The following GRIN2C variants were observed in gnomAD, a reference collection of about 807,000 sequenced individuals.
GRIN2C encodes the protein glutamate ionotropic receptor NMDA type subunit 2C.
A neutral mutation model predicts 77.7 loss-of-function variants in GRIN2C; 64 were observed. The observed-to-expected ratio is 0.82, with a 90% CI of 0.67 to 1.01. GRIN2C has a LOEUF of 1.01. GRIN2C is among the 50% of genes least tolerant of loss of function. The pLI is 0.00. For synonymous variants in GRIN2C, 792 were observed against 643.4 expected, an observed-to-expected ratio of 1.23 and a Z score of -3.49; for missense variants, 1,549 against 1,486.0, an observed-to-expected ratio of 1.04 and a Z score of -0.70.
chr17:74,860,476 C>T (rs1239760580), upstream of GRIN2C: 3 of 456,570 alleles, frequency 6.6e-6, no homozygotes, highest in African/African-American at 4.0e-5. Context: ...GGTCGCGGGA[C>T]GCACCTGGGG....
chr17:74,852,003 A>G lies in GRIN2C; in HGVS notation c.998+10T>C. The G allele has an allele frequency of 6.8e-7, 1 of 1,468,260 alleles. No individual in the cohort carries two copies. Among genetic ancestry groups the G allele is most frequent in the Non-Finnish European group, 9.0e-7 (1 of 1,107,980 alleles). 91.0% of individuals were successfully genotyped at this position (1,468,260 alleles called of 1,614,324 possible). ...ACCTCCCTACCCCTATGCCCCGGGC[A>G]GGTGCCCACCTGTAGAAGGCCTCCC... On this transcript the variant is annotated intron_variant, in intron 3 of 12. Coordinates refer to ENST00000293190, the MANE Select transcript of GRIN2C (RefSeq NM_000835.6).
chr17:74,856,651 T>G (rs2037828611), intron 1 of GRIN2C, among the ~76,000 whole-genome samples: 1 of 152,102 alleles, frequency 6.6e-6, no homozygotes, highest in Admixed American at 6.5e-5. Context: ...GCTAATTTTT[T>G]GTATTTTTTA....
intron 2 of GRIN2C, 35 bp downstream of exon 2, chr17:74,854,659 C>A: frequency 6.3e-7 from 1 of 1,579,234 alleles, no homozygotes; most frequent in South Asian, 1.1e-5. Flanking sequence ...GGTTCCAGGC[C>A]TGAGGCACGA....
upstream of GRIN2C, chr17:74,860,929 C>G (rs1007667938): frequency 1.0e-5 from 2 of 196,058 alleles, no homozygotes; most frequent in African/African-American, 2.4e-5. Context: ...GGCTGGGGAG[C>G]CGCACAGCCC....
chr17:74,850,684 G>C lies in GRIN2C; in HGVS notation c.1197C>G (p.Asp399Glu). The C allele has an allele frequency of 6.2e-7, 1 of 1,613,682 alleles. No homozygotes were observed. Among genetic ancestry groups the C allele is most frequent in the Non-Finnish European group, 8.5e-7 (1 of 1,179,996 alleles). Residue 399 changes from aspartate to glutamate, a missense_variant, in exon 5 of 13, where the codon GAC becomes GAG. Asp to Glu is a conservative substitution (Grantham distance 45, BLOSUM62 2). Around this residue, in one of 3 missense-constraint regions of GRIN2C, gnomAD observed 717 missense variants for 858.1 expected, o/e 0.84. Transcript: ENST00000293190. This position sits in a 1 kb window ranked among gnomAD's most constrained non-coding sequence, Gnocchi z 5.3. Reference protein sequence around the residue: ...RYSASLQPVVDSRHLTVATLE... With the variant: ...RYSASLQPVVESRHLTVATLE... ...GCGTGGCCACCGTCAGGTGCCGACT[G>C]TCCACCACAGGCTGCAGAGAGGCAC...
At chr17:74,845,924 G>T in intron 11 of GRIN2C, 142 bp downstream of exon 11, 1 of 744,146 alleles carries the variant, frequency 1.3e-6, no homozygotes, top group South Asian at 1.6e-5. Context: ...CCTAGTACCT[G>T]CCCACCTCAG....
At chr17:74,856,162 C>A (rs868051407) in intron 1 of GRIN2C, among the ~76,000 whole-genome samples, 1 of 152,160 alleles carries the variant, frequency 6.6e-6, no homozygotes, top group South Asian at 2.1e-4. Flanking sequence ...GTGGTGCCCA[C>A]GGATGTCACT....
rs1374409103 is a variant in GRIN2C at position 74,849,686 on chromosome 17, G to C, written c.1645+94C>G. The stretch of plus-strand genomic sequence containing the variant: ...AGGCTGCTGTGCTTGGCCTGTGAGA[G>C]CCCACCCAACTCCCCATCCCCACCC... On this transcript the variant is annotated intron_variant, in intron 7 of 12. Transcript: ENST00000293190. The surrounding 1 kb of genome is among the most constrained non-coding windows in gnomAD (Gnocchi z 4.6). 8.4e-7 allele frequency: 1 copy of C among 1,188,794 alleles called. No individual in the cohort carries two copies. Among genetic ancestry groups the C allele is most frequent in the Non-Finnish European group, 1.2e-6 (1 of 839,888 alleles). 73.6% of individuals were successfully genotyped at this position (1,188,794 alleles called of 1,614,324 possible).
chr17:74,852,372 C>CTGCG lies in GRIN2C; in HGVS notation c.635_638dup (p.Gln213HisfsTer209). On this transcript the variant is annotated frameshift_variant, in exon 3 of 13. Coordinates refer to ENST00000293190, the MANE Select transcript of GRIN2C (RefSeq NM_000835.6). LOFTEE classifies it high-confidence loss of function. ...GCGCGTCGAGCTGGCGCAGCAGGCG[C>CTGCG]TGCGTGCGCGCGCGCGGCCCTCCCG... is the stretch of plus-strand genomic sequence containing the variant. 1 of 1,445,880 alleles carries CTGCG rather than the reference C, an allele frequency of 6.9e-7. No homozygotes were observed. The highest frequency in any genetic ancestry group is 9.0e-7 in the Non-Finnish European group (1 of 1,107,648). 89.6% of individuals were successfully genotyped at this position (1,445,880 alleles called of 1,614,324 possible). A position where few individuals can be genotyped will look rare whatever the true frequency, so the allele number is the denominator to read the frequency against.
At position 74,846,042 on chromosome 17, in the gene GRIN2C, C is replaced by A. The variant is rs768626388; in HGVS notation, c.2350+24G>T. On this transcript the variant is annotated intron_variant, in intron 11 of 12. Transcript: ENST00000293190. This position sits in a 1 kb window ranked among gnomAD's most constrained non-coding sequence, Gnocchi z 4.4. ...CTTGGGCTCCACAGCCCACCCTGGG[C>A]ATCCCAGCAATGGCAGTACCCACCG... is the stretch of plus-strand genomic sequence containing the variant. 1 of 1,607,014 alleles carries A rather than the reference C, an allele frequency of 6.2e-7. No individual in the cohort carries two copies. The highest frequency in any genetic ancestry group is 8.5e-7 in the Non-Finnish European group (1 of 1,174,014).
intron 1 of GRIN2C, among the ~76,000 whole-genome samples, chr17:74,855,573 C>A (rs1250004109): frequency 6.6e-6 from 1 of 152,248 alleles, no homozygotes; most frequent in African/African-American, 2.4e-5. Flanking sequence ...CTGAAATAAT[C>A]ACAGCAGTGT....
At position 74,852,268 on chromosome 17, in the gene GRIN2C, G is replaced by C; in HGVS notation, c.743C>G (p.Pro248Arg). Residue 248 changes from proline (P) to arginine (R), a missense_variant, in exon 3 of 13, where the codon CCC (proline) becomes CGC (arginine). Coordinates refer to ENST00000293190, the MANE Select transcript of GRIN2C (RefSeq NM_000835.6). Reference sequence around the variant, plus strand: ...GTTGGGCACCAGCCACACGTGGCCGGGCCCCACCAGACCGGCCTGCGCCGC... The same window carrying C: ...GTTGGGCACCAGCCACACGTGGCCGCGCCCCACCAGACCGGCCTGCGCCGC... ...AEAAQAGLVGPGHVWLVPNLA... is the reference protein window; with the variant it reads ...AEAAQAGLVGRGHVWLVPNLA... 7.1e-7 allele frequency: 1 copy of C among 1,407,596 alleles called. No individual in the cohort carries two copies. The highest frequency in any genetic ancestry group is 9.2e-7 in the Non-Finnish European group (1 of 1,086,878). 87.2% of individuals were successfully genotyped at this position (1,407,596 alleles called of 1,614,324 possible). A position where few individuals can be genotyped will look rare whatever the true frequency, so the allele number is the denominator to read the frequency against.
At position 74,843,435 on chromosome 17, in the gene GRIN2C, C is replaced by G; in HGVS notation, c.2702G>C (p.Arg901Pro). 1 of 1,535,804 alleles carries G rather than the reference C, an allele frequency of 6.5e-7. No homozygotes were observed. Among genetic ancestry groups the G allele is most frequent in the East Asian group, 2.4e-5 (1 of 40,878 alleles). The change falls in exon 13 of 13, where the codon CGC (arginine) becomes CCC (proline). Residue 901 changes from arginine to proline, a missense_variant. This residue lies in a region of GRIN2C where 450 missense variants were observed against 267.9 expected (regional missense o/e 1.68). Coordinates refer to ENST00000293190, the MANE Select transcript of GRIN2C (RefSeq NM_000835.6). Reference sequence around the variant, plus strand: ...TACGCCCGCCGTGGTCACCATGTCGCGGGCTGCCTGCAGCATCTTGAGCAC... The same window carrying G: ...TACGCCCGCCGTGGTCACCATGTCGGGGGCTGCCTGCAGCATCTTGAGCAC... ...ASVLKMLQAA[R>P]DMVTTAGVSS...
chr17:74,860,576 G>T (rs1229219406), upstream of GRIN2C: 3 of 445,398 alleles, frequency 6.7e-6, no homozygotes, highest in East Asian at 2.1e-4. Context: ...CCTCCCCGCC[G>T]TCGGGGATCC....
chr17:74,849,699 C>G lies in GRIN2C; in HGVS notation c.1645+81G>C. 7.3e-7 allele frequency: 1 copy of G among 1,364,574 alleles called. No individual in the cohort carries two copies. The highest frequency in any genetic ancestry group is 1.0e-6 in the Non-Finnish European group (1 of 993,436). The allele number at this position is 1,364,574 out of a possible 1,614,324, so 84.5% of individuals were successfully genotyped here. ...TGGCCTGTGAGAGCCCACCCAACTCCCCATCCCCACCCAAGCTGTACACAC... is the reference window on the plus strand; with the variant it reads ...TGGCCTGTGAGAGCCCACCCAACTCGCCATCCCCACCCAAGCTGTACACAC... On this transcript the variant is annotated intron_variant, in intron 7 of 12. Transcript: ENST00000293190. This position sits in a 1 kb window ranked among gnomAD's most constrained non-coding sequence, Gnocchi z 4.6.
In GRIN2C at chr17:74,852,419, C is replaced by T. The variant is rs1260321459; in HGVS notation, c.592G>A (p.Val198Met). 4 of 1,512,280 alleles carry T rather than the reference C, an allele frequency of 2.6e-6. No homozygotes were observed. The highest frequency in any genetic ancestry group is 2.1e-5 in the Admixed American group (1 of 47,870). 93.7% of individuals were successfully genotyped at this position (1,512,280 alleles called of 1,614,324 possible). ...ASHVSWRLLD[V>M]VTLELGPGGP... ...CCCGGGCCCAGCTCCAGCGTGACCA[C>T]GTCCAGCAGCCGCCAACTCACGTGG... Residue 198 changes from valine to methionine, a missense_variant, in exon 3 of 13, where the codon GTG becomes ATG. By Grantham distance (21) the Val-to-Met change is conservative. Transcript: ENST00000293190.
chr17:74,860,127 G>A (rs2037919392), upstream of GRIN2C, among the ~76,000 whole-genome samples: 1 of 152,038 alleles, frequency 6.6e-6, no homozygotes, highest in Non-Finnish European at 1.5e-5. Flanking sequence ...GGGGGCCCTG[G>A]GCGAACCCAG....
chr17:74,849,497 T>C lies in GRIN2C; in HGVS notation c.1645+283A>G, dbSNP rs532372808. 7.2e-5 allele frequency among the ~76,000 whole-genome samples: 11 copies of C among 152,284 alleles called. No homozygotes were observed. In the East Asian group the frequency reaches 2.1e-3, roughly 29 times the overall value. On this transcript the variant is annotated intron_variant, in intron 7 of 12. Transcript: ENST00000293190. This position sits in a 1 kb window ranked among gnomAD's most constrained non-coding sequence, Gnocchi z 4.6. ...CACAGTCCTGGGCCATGGCCCATCC[T>C]GAGGCGAGCCTGCCTGCTGGATTTT... is the stretch of plus-strand genomic sequence containing the variant.
Position 74,850,881 on chromosome 17 carries a change from G to T in GRIN2C, c.1114-114C>A, listed in dbSNP as rs2037621333. On this transcript the variant is annotated intron_variant, in intron 4 of 12. Coordinates refer to ENST00000293190, the MANE Select transcript of GRIN2C (RefSeq NM_000835.6). This position sits in a 1 kb window ranked among gnomAD's most constrained non-coding sequence, Gnocchi z 5.3. Reference sequence around the variant, plus strand: ...CTCTCACCTAGGGATGCTGGGGCAGGTCAGAGTAGGGCTGCTCCCAACAGC... The same window carrying T: ...CTCTCACCTAGGGATGCTGGGGCAGTTCAGAGTAGGGCTGCTCCCAACAGC... 3 of 883,754 alleles carry T rather than the reference G, an allele frequency of 3.4e-6. No homozygotes were observed. Among genetic ancestry groups the T allele is most frequent in the African/African-American group, 3.3e-5 (2 of 60,380 alleles). 54.7% of individuals were successfully genotyped at this position (883,754 alleles called of 1,614,324 possible).
Sources: gnomAD v4.1 joint callset for allele counts (sites outside exome capture counted in the v4.1 genomes callset) on GRCh38, gnomAD v4.1.1 for gene constraint, gnomAD v4.1.1 regional missense constraint, Gnocchi (gnomAD v3.1) non-coding constraint, MANE v1.5 for transcripts, NCBI Gene and HGNC (gene_info 2026-07-23, HGNC 2026-07-21) for gene names.